The following TNIK variants were observed in gnomAD, a reference collection of about 807,000 sequenced individuals.
The protein encoded by TNIK is TRAF2 and NCK interacting kinase, also known as TRAF2 and NCK-interacting protein kinase.
Under a neutral mutation model 191.3 loss-of-function variants are expected in TNIK, and 49 were observed. That is an observed-to-expected ratio of 0.26 (90% CI 0.20 to 0.32). The LOEUF is 0.32. Ranked by LOEUF, TNIK falls within the 10% of genes least tolerant of loss-of-function variation. The pLI is 1.00. For synonymous variants in TNIK, 594 were observed against 600.9 expected, an observed-to-expected ratio of 0.99 and a Z score of 0.17; for missense variants, 1,155 against 1,702.3, an observed-to-expected ratio of 0.68 and a Z score of 5.66.
At chr3:171,073,180 T>A (rs1295710610) in intron 28 of TNIK, among the ~76,000 whole-genome samples, 37 of 152,188 alleles carry the variant, frequency 2.4e-4, no homozygotes, top group African/African-American at 8.9e-4. Context: ...CAAAGAAGCA[T>A]GTTACTGATA....
chr3:171,183,367 A>G (rs1736909703), intron 7 of TNIK, among the ~76,000 whole-genome samples: 1 of 152,256 alleles, frequency 6.6e-6, no homozygotes, highest in Non-Finnish European at 1.5e-5. Context: ...CAATAGCTTA[A>G]TAATGGGCAC....
intron 20 of TNIK, 104 bp downstream of exon 20, chr3:171,107,961 C>T: frequency 1.7e-6 from 2 of 1,162,434 alleles, no homozygotes; most frequent in African/African-American, 1.5e-5. Context: ...TCTTACTAAT[C>T]TCAACAATTT....
At chr3:171,079,390 T>C (rs2108355516) in intron 28 of TNIK, 128 bp downstream of exon 28, 2 of 1,076,946 alleles carry the variant, frequency 1.9e-6, no homozygotes, top group South Asian at 5.0e-5. Context: ...ATGCTGAAGG[T>C]TCCAGCAACA....
intron 18 of TNIK, among the ~76,000 whole-genome samples, chr3:171,117,935 A>G (rs1727014833): frequency 6.6e-6 from 1 of 152,056 alleles, no homozygotes; most frequent in African/African-American, 2.4e-5. Context: ...GCGCCACTGC[A>G]CTCCAGCCTG....
intron 26 of TNIK, among the ~76,000 whole-genome samples, chr3:171,083,173 G>A (rs1720906313): frequency 6.6e-6 from 1 of 152,136 alleles, no homozygotes; most frequent in Admixed American, 6.5e-5. Context: ...TCATTGTGCA[G>A]TGTACTTTAT....
rs115402197 is a variant in TNIK at position 171,220,820 on chromosome 3, T to C, written c.180+7345A>G. Among the ~76,000 whole-genome samples, 888 of 152,326 alleles carry C rather than the reference T, an allele frequency of 5.8e-3. 16 individuals are homozygous for C. Among genetic ancestry groups the C allele is most frequent in the African/African-American group, 0.021 (862 of 41,582 alleles). ...ATGTAAAAAATATTTTTAAAAACTA[T>C]TGCTCACCTTTATTAGTTTGGAGGT... On this transcript the variant is annotated intron_variant, in intron 3 of 32. Transcript: ENST00000436636.
At chr3:171,256,205 G>A (rs1314580380) in intron 2 of TNIK, among the ~76,000 whole-genome samples, 1 of 151,816 alleles carries the variant, frequency 6.6e-6, no homozygotes, top group Non-Finnish European at 1.5e-5. Context: ...TTTCTTTGAT[G>A]CCTACTTCAC....
chr3:171,236,373 A>C (rs553807712), intron 2 of TNIK, among the ~76,000 whole-genome samples: 4 of 152,314 alleles, frequency 2.6e-5, no homozygotes, highest in Admixed American at 2.6e-4. Flanking sequence ...ATGTGATCTG[A>C]TGTGAGTGTT....
At chr3:171,292,412 G>A (rs538144560) in intron 2 of TNIK, among the ~76,000 whole-genome samples, 1 of 152,318 alleles carries the variant, frequency 6.6e-6, no homozygotes, top group South Asian at 2.1e-4. Flanking sequence ...TGTCTTGTGT[G>A]CAGGAGGCAA....
At chr3:171,185,640 A>G (rs548443230) in intron 7 of TNIK, among the ~76,000 whole-genome samples, 38 of 152,326 alleles carry the variant, frequency 2.5e-4, no homozygotes, top group Middle Eastern at 6.8e-3. Flanking sequence ...TCAGTGAGTT[A>G]CTTACTGTGC....
chr3:171,096,983 T>C (rs1026759467), intron 22 of TNIK, among the ~76,000 whole-genome samples: 4 of 152,234 alleles, frequency 2.6e-5, no homozygotes, highest in Admixed American at 2.0e-4. Flanking sequence ...TGTTAAGTTT[T>C]ACAATTTTAT....
At chr3:171,420,999 G>A (rs1274333633) in intron 1 of TNIK, among the ~76,000 whole-genome samples, 11 of 152,096 alleles carry the variant, frequency 7.2e-5, no homozygotes, top group East Asian at 1.9e-4. Flanking sequence ...TTTTCAGATC[G>A]TGGTTGACTG....
chr3:171,430,342 T>A (rs752107902), intron 1 of TNIK, among the ~76,000 whole-genome samples: 1 of 152,080 alleles, frequency 6.6e-6, no homozygotes, highest in African/African-American at 2.4e-5. Flanking sequence ...TTTTTTAACG[T>A]GAACCAAGAA....
chr3:171,288,820 A>C (rs1751352022), intron 2 of TNIK, among the ~76,000 whole-genome samples: 1 of 151,966 alleles, frequency 6.6e-6, no homozygotes, highest in Admixed American at 6.6e-5. Flanking sequence ...AAAAAAAAAA[A>C]AAAGTCAATG....
At chr3:171,192,471 G>A (rs1237007493) in intron 5 of TNIK, among the ~76,000 whole-genome samples, 1 of 152,174 alleles carries the variant, frequency 6.6e-6, no homozygotes, top group Non-Finnish European at 1.5e-5. Flanking sequence ...TGAAATGCTG[G>A]TATCATTTCG....
intron 2 of TNIK, among the ~76,000 whole-genome samples, chr3:171,268,458 T>G (rs935089806): frequency 5.3e-5 from 8 of 152,098 alleles, no homozygotes; most frequent in Non-Finnish European, 1.2e-4. Flanking sequence ...GCTACTTGGC[T>G]TTAAATCTCC....
At chr3:171,196,276 A>T (rs1738657697) in intron 4 of TNIK, among the ~76,000 whole-genome samples, 1 of 152,238 alleles carries the variant, frequency 6.6e-6, no homozygotes, top group Non-Finnish European at 1.5e-5. Context: ...TGTGCCTCCT[A>T]ATAAGCTAGC....
At chr3:171,243,006 A>C (rs929583637) in intron 2 of TNIK, among the ~76,000 whole-genome samples, 2 of 152,238 alleles carry the variant, frequency 1.3e-5, no homozygotes, top group African/African-American at 4.8e-5. Flanking sequence ...GTAAAAATAC[A>C]TAAGTTCTAT....
chr3:171,116,154 T>C (rs1315312862), intron 18 of TNIK, among the ~76,000 whole-genome samples: 1 of 152,230 alleles, frequency 6.6e-6, no homozygotes, highest in African/African-American at 2.4e-5. Flanking sequence ...TGGTAAAACA[T>C]GAGTAGTTTG....
Sources: gnomAD v4.1 joint callset for allele counts (sites outside exome capture counted in the v4.1 genomes callset) on GRCh38, gnomAD v4.1.1 for gene constraint, MANE v1.5 for transcripts, NCBI Gene and HGNC (gene_info 2026-07-23, HGNC 2026-07-21) for gene names.